The following PLOD2 variants were observed in gnomAD, a reference collection of about 807,000 sequenced individuals.
PLOD2 encodes the protein procollagen-lysine,2-oxoglutarate 5-dioxygenase 2.
A neutral mutation model predicts 101.0 loss-of-function variants in PLOD2; 65 were observed. The observed-to-expected ratio is 0.64, with a 90% CI of 0.53 to 0.79. The LOEUF is 0.79. Among genes scored for constraint, PLOD2 ranks in the 30% least tolerant of loss-of-function variants. The pLI is 0.00. For synonymous variants in PLOD2, 314 were observed against 302.9 expected (o/e 1.04, Z -0.38); for missense variants, 909 against 914.6 (o/e 0.99, Z 0.08).
At chr3:146,112,939 C>T (rs372129611) in intron 3 of PLOD2, among the ~76,000 whole-genome samples, 9 of 151,160 alleles carry the variant, frequency 6.0e-5, no homozygotes, top group African/African-American at 1.7e-4. Context: ...CAAACCTGCA[C>T]GTTCTGCACA....
intron 1 of PLOD2, among the ~76,000 whole-genome samples, chr3:146,132,326 A>C (rs1180180988): frequency 6.6e-6 from 1 of 152,182 alleles, no homozygotes; most frequent in African/African-American, 2.4e-5. Context: ...AAGTATCGCC[A>C]GTTATTTACA....
intron 2 of PLOD2, among the ~76,000 whole-genome samples, chr3:146,121,950 C>T (rs2030189111): frequency 6.6e-6 from 1 of 152,148 alleles, no homozygotes; most frequent in Non-Finnish European, 1.5e-5. Flanking sequence ...ATACACGTCC[C>T]TTCCCCCACA....
intron 1 of PLOD2, among the ~76,000 whole-genome samples, chr3:146,142,303 G>C (rs2031561350): frequency 6.6e-6 from 1 of 151,834 alleles, no homozygotes; most frequent in East Asian, 1.9e-4. Flanking sequence ...TTTTTTAATA[G>C]AAATTTATGT....
chr3:146,142,978 G>A (rs796875213), intron 1 of PLOD2, among the ~76,000 whole-genome samples: 2 of 152,174 alleles, frequency 1.3e-5, no homozygotes, highest in South Asian at 2.1e-4. Flanking sequence ...CACAATTTCT[G>A]TAAACTGAAA....
At chr3:146,146,013 G>A (rs1018386471) in intron 1 of PLOD2, among the ~76,000 whole-genome samples, 1 of 152,048 alleles carries the variant, frequency 6.6e-6, no homozygotes, top group Non-Finnish European at 1.5e-5. Flanking sequence ...GGATGGTGAG[G>A]GGACATAAAT....
chr3:146,125,245 A>C (rs1219157461), intron 1 of PLOD2, among the ~76,000 whole-genome samples: 2 of 152,308 alleles, frequency 1.3e-5, no homozygotes, highest in Middle Eastern at 3.4e-3. Context: ...CAATCACCAA[A>C]CATGGCAATA....
chr3:146,073,638 C>G (rs931815019), intron 15 of PLOD2: 1 of 172,480 alleles, frequency 5.8e-6, no homozygotes, highest in Non-Finnish European at 1.2e-5. Context: ...ACAGATGCTC[C>G]TTGACTCACG....
At position 146,079,249 on chromosome 3, in the gene PLOD2, C is replaced by T; in HGVS notation, c.1367G>A (p.Trp456Ter). Reference protein sequence around the residue: ...DIVQGNRVGVWNVPYMANVYL... With the variant: ...DIVQGNRVGV ...CACATTAGCCATATATGGGACATTC[C>T]ATACTCCTCTGAAAGTAAAGAGAAG... The change falls in exon 13 of 20, where the codon TGG (tryptophan) becomes TAG (stop). Residue 456 changes from tryptophan to a stop codon, truncating the protein, a stop_gained. Coordinates refer to ENST00000282903, the MANE Select transcript of PLOD2 (RefSeq NM_182943.3). LOFTEE classifies it high-confidence loss of function. 6.2e-7 allele frequency: 1 copy of T among 1,604,484 alleles called. No homozygotes were observed. The highest frequency in any genetic ancestry group is 8.5e-7 in the Non-Finnish European group (1 of 1,171,750).
At chr3:146,155,441 G>A (rs931170808) in intron 1 of PLOD2, among the ~76,000 whole-genome samples, 4 of 152,016 alleles carry the variant, frequency 2.6e-5, no homozygotes, top group South Asian at 2.1e-4. Flanking sequence ...GGCCAGGCGC[G>A]GTGGCTCACA....
intron 12 of PLOD2, among the ~76,000 whole-genome samples, chr3:146,079,530 T>C (rs939279044): frequency 1.3e-5 from 2 of 151,988 alleles, no homozygotes; most frequent in African/African-American, 4.8e-5. Flanking sequence ...CATATCTCAA[T>C]CAGTTGTTAC....
intron 15 of PLOD2, among the ~76,000 whole-genome samples, chr3:146,075,487 T>TAAAAAAAAAAAAA (rs35706246): frequency 1.4e-4 from 13 of 93,648 alleles, no homozygotes; most frequent in East Asian, 3.2e-4. Flanking sequence ...CTCAAATCTG[T>TAAAAAAAAAAAAA]AAAAAAAAAA....
intron 1 of PLOD2, among the ~76,000 whole-genome samples, chr3:146,156,438 A>G (rs1488473340): frequency 6.6e-6 from 1 of 152,268 alleles, no homozygotes; most frequent in African/African-American, 2.4e-5. Flanking sequence ...AAACAAATGA[A>G]TGTGGCTGAG....
At chr3:146,071,564 T>C (rs745975010) in intron 17 of PLOD2, 141 bp from the exon 18 acceptor site, 14 of 775,974 alleles carry the variant, frequency 1.8e-5, no homozygotes, top group Non-Finnish European at 3.0e-5. Flanking sequence ...CTGCTTTAAC[T>C]GTAAAATTAT....
chr3:146,091,872 TAC>T lies in PLOD2; in HGVS notation c.805_806del (p.Val269ThrfsTer8). On this transcript the variant is annotated frameshift_variant, in exon 8 of 20. Transcript: ENST00000282903. LOFTEE classifies it high-confidence loss of function. ...CATTATCCTGTGTCCATGAATTGGGTACATAGTTTCCAAAATAATTCAGGAGA... is the reference window on the plus strand; with the variant it reads ...CATTATCCTGTGTCCATGAATTGGGTATAGTTTCCAAAATAATTCAGGAGA... The part of the protein sequence containing the change: ...KILLNYFGNY[V>X]PNSWTQDNGC... The T allele has an allele frequency of 6.2e-7, 1 of 1,602,058 alleles. No individual in the cohort carries two copies. The highest frequency in any genetic ancestry group is 8.6e-7 in the Non-Finnish European group (1 of 1,169,254).
intron 4 of PLOD2, among the ~76,000 whole-genome samples, chr3:146,107,452 C>T (rs1937554490): frequency 6.6e-6 from 1 of 151,984 alleles, no homozygotes; most frequent in Non-Finnish European, 1.5e-5. Flanking sequence ...ACCAATGTTA[C>T]TCCTGTGAGT....
In PLOD2 at chr3:146,097,191, C is replaced by T. The variant is rs541893838; in HGVS notation, c.778-5290G>A. On this transcript the variant is annotated intron_variant, in intron 7 of 19. Coordinates refer to ENST00000282903, the MANE Select transcript of PLOD2 (RefSeq NM_182943.3). ...GGAGGGAGGTGGGGGGTCAGCCCCC[C>T]GCCCGGCCAGCCGCCCCATCCGGGA... Among the ~76,000 whole-genome samples, 9 of 149,696 alleles carry T rather than the reference C, an allele frequency of 6.0e-5. No individual in the cohort carries two copies. In the South Asian group the frequency reaches 6.3e-4, roughly 11 times the overall value.
At chr3:146,100,922 T>C (rs1041139569) in intron 7 of PLOD2, among the ~76,000 whole-genome samples, 3 of 152,154 alleles carry the variant, frequency 2.0e-5, no homozygotes, top group Non-Finnish European at 4.4e-5. Flanking sequence ...GGGGGTGTGA[T>C]TGCTACTAGA....
chr3:146,137,437 T>C (rs1576622325), intron 1 of PLOD2, among the ~76,000 whole-genome samples: 1 of 152,288 alleles, frequency 6.6e-6, no homozygotes, highest in Non-Finnish European at 1.5e-5. Flanking sequence ...CTGGTAGACA[T>C]AGGGTTTTAC....
chr3:146,125,778 A>T (rs2030527366), intron 1 of PLOD2, among the ~76,000 whole-genome samples: 1 of 152,180 alleles, frequency 6.6e-6, no homozygotes, highest in Admixed American at 6.6e-5. Flanking sequence ...TTAACTATTT[A>T]AAAAAGTTTT....
Sources: gnomAD v4.1 joint callset for allele counts (sites outside exome capture counted in the v4.1 genomes callset) on GRCh38, gnomAD v4.1.1 for gene constraint, MANE v1.5 for transcripts, NCBI Gene and HGNC (gene_info 2026-07-23, HGNC 2026-07-21) for gene names.